FBXL13: variants seen among roughly 807,000 people sequenced by gnomAD.
FBXL13 encodes F-box and leucine rich repeat protein 13, also known as F-box and leucine-rich repeat protein 13.
A neutral mutation model predicts 83.6 loss-of-function variants in FBXL13; 67 were observed. The observed-to-expected ratio is 0.80, with a 90% CI of 0.66 to 0.98. The LOEUF (loss-of-function observed/expected upper bound fraction) is 0.98. FBXL13 is among the 50% of genes least tolerant of loss of function. The pLI is 0.00. For missense variants in FBXL13, 822 were observed against 866.5 expected (o/e 0.95, Z 0.64); for synonymous variants, 272 against 299.5 (o/e 0.91, Z 0.95).
chr7:103,012,092 A>G (rs1381468019), intron 6 of FBXL13, among the ~76,000 whole-genome samples: 1 of 152,036 alleles, frequency 6.6e-6, no homozygotes, highest in African/African-American at 2.4e-5. Context: ...AAAGGCAGCT[A>G]GGGCCGGGCG....
chr7:103,016,320 G>GA (rs1267875745), intron 6 of FBXL13, among the ~76,000 whole-genome samples: 1 of 150,416 alleles, frequency 6.6e-6, no homozygotes, highest in Non-Finnish European at 1.5e-5. Flanking sequence ...AGAAATGTGG[G>GA]GGGGGTGGGG....
chr7:102,882,490 A>ACTTTGG (rs1265213548), intron 14 of FBXL13, among the ~76,000 whole-genome samples: 1 of 152,102 alleles, frequency 6.6e-6, no homozygotes, highest in Non-Finnish European at 1.5e-5. Context: ...GGCCGGGTGC[A>ACTTTGG]GAGGCTCACA....
In FBXL13 at chr7:102,959,851, A is replaced by C. The variant is rs534781218; in HGVS notation, c.724+3682T>G. ...TTAAATAAAGTATGTTACATCTATA[A>C]CATAGAAAATAATTTTACAGTATGT... is the stretch of plus-strand genomic sequence containing the variant. On this transcript the variant is annotated intron_variant, in intron 8 of 19. Coordinates refer to ENST00000313221, the Ensembl canonical transcript of FBXL13. Among the ~76,000 whole-genome samples, 165 of 152,248 alleles carry C rather than the reference A, an allele frequency of 1.1e-3. 4 individuals are homozygous for C. Among genetic ancestry groups the C allele is most frequent in the Admixed American group, 0.011 (163 of 15,272 alleles).
chr7:102,815,672 T>G (rs1015927437), intron 19 of FBXL13, among the ~76,000 whole-genome samples: 1 of 151,704 alleles, frequency 6.6e-6, no homozygotes, highest in African/African-American at 2.4e-5. Flanking sequence ...TTTTAGGGAG[T>G]AAAAGATTTG....
At chr7:102,877,237 C>T (rs1468847944) in intron 16 of FBXL13, among the ~76,000 whole-genome samples, 1 of 152,190 alleles carries the variant, frequency 6.6e-6, no homozygotes, top group Non-Finnish European at 1.5e-5. Flanking sequence ...TCTTATCTGT[C>T]ATGACTTTCC....
intron 11 of FBXL13, among the ~76,000 whole-genome samples, chr7:102,886,710 G>A (rs981036485): frequency 5.9e-5 from 9 of 152,206 alleles, no homozygotes; most frequent in African/African-American, 2.2e-4. Flanking sequence ...AGGAATGTAT[G>A]AATGGCTTCT....
intron 18 of FBXL13, among the ~76,000 whole-genome samples, chr7:102,829,462 G>T (rs1274369067): frequency 6.6e-6 from 1 of 152,138 alleles, no homozygotes; most frequent in Non-Finnish European, 1.5e-5. Flanking sequence ...TTTTGTCATT[G>T]TTCAGGGCTT....
In FBXL13 at chr7:103,017,669, T is replaced by A. The variant is rs971018879; in HGVS notation, c.495+7394A>T. Among the ~76,000 whole-genome samples the A allele has an allele frequency of 2.0e-5, 3 of 152,030 alleles. No homozygotes were observed. The East Asian group carries it at 5.8e-4, about 29-fold the overall frequency. Reference sequence around the variant, plus strand: ...TTAAAACCATGACACGAGAAATATGTGACACATGCATAAGCTTCAGTAGCT... The same window carrying A: ...TTAAAACCATGACACGAGAAATATGAGACACATGCATAAGCTTCAGTAGCT... On this transcript the variant is annotated intron_variant, in intron 6 of 19. Coordinates refer to ENST00000313221, the Ensembl canonical transcript of FBXL13.
chr7:102,916,622 C>T (rs191044976), intron 10 of FBXL13, among the ~76,000 whole-genome samples: 77 of 152,280 alleles, frequency 5.1e-4, no homozygotes, highest in African/African-American at 1.7e-3. Flanking sequence ...TTGTGCAATA[C>T]TCATACTCTT....
intron 17 of FBXL13, among the ~76,000 whole-genome samples, chr7:102,841,543 C>T (rs922243889): frequency 6.6e-6 from 1 of 152,226 alleles, no homozygotes; most frequent in Non-Finnish European, 1.5e-5. Flanking sequence ...CAAGAAAACA[C>T]AGTACCCATG....
chr7:102,913,115 T>C, exon 11 of FBXL13: 3 of 1,613,970 alleles, frequency 1.9e-6, no homozygotes, highest in Middle Eastern at 3.3e-4. Context: ...TCCAGATAGA[T>C]GAGCTTGTGG....
rs1491519097 is a variant in FBXL13 at position 102,834,473 on chromosome 7, A to ATATATGTGTG, written c.1720-1500_1720-1499insCACACATATA. 2.8e-5 allele frequency: 4 copies of ATATATGTGTG among 141,544 alleles called. No homozygotes were observed. In the East Asian group the frequency reaches 8.1e-4, roughly 29 times the overall value. The allele number at this position is 141,544 out of a possible 1,614,324, so 8.8% of individuals were successfully genotyped here. On this transcript the variant is annotated intron_variant, in intron 17 of 19. Coordinates refer to ENST00000313221, the Ensembl canonical transcript of FBXL13. ...TATGTGATTATATATATATATATAT[A>ATATATGTGTG]TGTGATGTGGCTCTTAGCACAAAAT...
intron 8 of FBXL13, chr7:102,944,652 T>A (rs1379311903): frequency 5.4e-6 from 8 of 1,485,392 alleles, no homozygotes; most frequent in Non-Finnish European, 7.2e-6. Context: ...TTTTCTATAC[T>A]GGTGTTAGAA....
chr7:102,883,573 A>C, exon 13 of FBXL13: 1 of 1,606,330 alleles, frequency 6.2e-7, no homozygotes. Flanking sequence ...CAGACCTTCA[A>C]ATCGGATCTT....
intron 2 of FBXL13, among the ~76,000 whole-genome samples, chr7:103,039,151 T>A (rs947986279): frequency 6.6e-6 from 1 of 152,284 alleles, no homozygotes; most frequent in East Asian, 1.9e-4. Context: ...CTGAAAACCA[T>A]GGCATGAGAA....
intron 18 of FBXL13, among the ~76,000 whole-genome samples, chr7:102,830,425 C>G (rs192712929): frequency 1.3e-5 from 2 of 152,312 alleles, no homozygotes; most frequent in Admixed American, 1.3e-4. Flanking sequence ...TGTGAACTAT[C>G]ACTGTTTAAG....
In FBXL13 at chr7:102,966,063, C is replaced by T. The variant is rs1438468102; in HGVS notation, c.591+1959G>A. 2.6e-5 allele frequency among the ~76,000 whole-genome samples: 4 copies of T among 152,174 alleles called. No homozygotes were observed. In the South Asian group the frequency reaches 6.2e-4, roughly 24 times the overall value. On this transcript the variant is annotated intron_variant, in intron 7 of 19. Transcript: ENST00000313221. Reference sequence around the variant, plus strand: ...ATAAGTTAACTCAACATCTTTACGTCGCATCTGGACAACATCCCATTCTTG... The same window carrying T: ...ATAAGTTAACTCAACATCTTTACGTTGCATCTGGACAACATCCCATTCTTG...
At chr7:102,818,996 CATCT>C (rs1250678157) in intron 19 of FBXL13, among the ~76,000 whole-genome samples, 10 of 152,208 alleles carry the variant, frequency 6.6e-5, no homozygotes, top group African/African-American at 2.2e-4. Flanking sequence ...TGTTCCCATC[CATCT>C]GTCCATGTGT....
At chr7:102,822,670 T>C (rs889024209) in intron 18 of FBXL13, among the ~76,000 whole-genome samples, 1 of 152,236 alleles carries the variant, frequency 6.6e-6, no homozygotes, top group African/African-American at 2.4e-5. Flanking sequence ...TTGCATATTC[T>C]CTTTCACCCA....
Sources: gnomAD v4.1 joint callset for allele counts (sites outside exome capture counted in the v4.1 genomes callset) on GRCh38, gnomAD v4.1.1 for gene constraint, MANE v1.5 for transcripts, NCBI Gene and HGNC (gene_info 2026-07-23, HGNC 2026-07-21) for gene names.